ADAMTSL1: variants seen among roughly 807,000 people sequenced by gnomAD.
The protein encoded by ADAMTSL1 is ADAMTS-like protein 1.
A neutral mutation model predicts 201.8 loss-of-function variants in ADAMTSL1; 126 were observed. That is an observed-to-expected ratio of 0.62 (90% CI 0.54 to 0.72). The LOEUF is 0.72. Among genes scored for constraint, ADAMTSL1 ranks in the 30% least tolerant of loss-of-function variants. The pLI, the probability that ADAMTSL1 is intolerant of heterozygous loss-of-function variation, is 0.00. For synonymous variants in ADAMTSL1, 1,121 were observed against 903.4 expected (o/e 1.24, Z -4.32); for missense variants, 2,679 against 2,277.8 (o/e 1.18, Z -3.59).
rs199787607 is a variant in ADAMTSL1, at chr9:18,680,352, G to A, written c.1177G>A (p.Gly393Arg). 114 of 1,612,700 alleles carry A rather than the reference G, an allele frequency of 7.1e-5. No homozygotes were observed. Among genetic ancestry groups the A allele is most frequent in the African/African-American group, 1.2e-4 (9 of 74,760 alleles). Residue 393 changes from glycine (G) to arginine (R), a missense_variant, in exon 11 of 29, where the codon GGG becomes AGG. Transcript: ENST00000380548. ...TPWTACSSSC[G>R]GGIQSRAVSC... ...ATGGACCGCGTGCTCCTCCTCGTGTGGGGGGGGCATCCAGAGCCGGGCAGT... is the reference window on the plus strand; with the variant it reads ...ATGGACCGCGTGCTCCTCCTCGTGTAGGGGGGGCATCCAGAGCCGGGCAGT...
chr9:18,792,374 G>T (rs1822116042), intron 19 of ADAMTSL1, among the ~76,000 whole-genome samples: 1 of 152,180 alleles, frequency 6.6e-6, no homozygotes, highest in African/African-American at 2.4e-5. Flanking sequence ...AATGAGATTT[G>T]CCAATGGCCA....
At chr9:18,162,568 G>C (rs1225211860) in intron 1 of ADAMTSL1, among the ~76,000 whole-genome samples, 1 of 151,886 alleles carries the variant, frequency 6.6e-6, no homozygotes, top group African/African-American at 2.4e-5. Context: ...TCATATGAAA[G>C]TATTTGATGG....
In ADAMTSL1 at chr9:18,776,963, G is replaced by A. The variant is rs771947005; in HGVS notation, c.2734G>A (p.Glu912Lys). The A allele has an allele frequency of 6.3e-7, 1 of 1,598,204 alleles. No individual in the cohort carries two copies. Among genetic ancestry groups the A allele is most frequent in the South Asian group, 1.1e-5 (1 of 89,046 alleles). The change falls in exon 19 of 29, where the codon GAG (glutamate) becomes AAG (lysine). Residue 912 changes from glutamate to lysine, a missense_variant. Coordinates refer to ENST00000380548, the MANE Select transcript of ADAMTSL1 (RefSeq NM_001040272.6). ...GGTCCGCAAGCCCCTCATCACCTGG[G>A]AGAAGGACGGCCAGCACCTCATCAG... ...RRVRKPLITW[E>K]KDGQHLISST...
At chr9:18,851,685 T>A (rs1208862188) in intron 23 of ADAMTSL1, among the ~76,000 whole-genome samples, 1 of 152,156 alleles carries the variant, frequency 6.6e-6, no homozygotes, top group Non-Finnish European at 1.5e-5. Context: ...GATTCTTCCC[T>A]TGGGGTGGGC....
intron 1 of ADAMTSL1, among the ~76,000 whole-genome samples, chr9:17,921,490 T>C (rs1376822166): frequency 1.3e-5 from 2 of 152,208 alleles, no homozygotes; most frequent in African/African-American, 4.8e-5. Context: ...TTAGCAGACA[T>C]TTGGGAGAGA....
chr9:18,906,998 T>G, intron 28 of ADAMTSL1, 86 bp downstream of exon 28: 2 of 1,480,982 alleles, frequency 1.4e-6, no homozygotes, highest in Non-Finnish European at 1.9e-6. Flanking sequence ...ACCCTGAGCA[T>G]AGGGCATGGG....
intron 2 of ADAMTSL1, among the ~76,000 whole-genome samples, chr9:18,357,741 T>G (rs549010280): frequency 6.6e-6 from 1 of 152,068 alleles, no homozygotes; most frequent in African/African-American, 2.4e-5. Flanking sequence ...AATATATATT[T>G]CATTTGTTTT....
chr9:18,178,562 C>T (rs1406203256), intron 2 of ADAMTSL1, among the ~76,000 whole-genome samples: 2 of 151,998 alleles, frequency 1.3e-5, no homozygotes, highest in Non-Finnish European at 2.9e-5. Flanking sequence ...GTAGGCTCCA[C>T]CTCTGGGGGC....
At chr9:18,214,476 C>A (rs72684916) in intron 2 of ADAMTSL1, among the ~76,000 whole-genome samples, 8,355 of 152,172 alleles carry the variant, frequency 0.055, 325 homozygotes, top group Middle Eastern at 0.16. Flanking sequence ...TTGAAATTGA[C>A]CTTAAAGCTA....
At chr9:18,679,476 A>C (rs1470595115) in intron 10 of ADAMTSL1, among the ~76,000 whole-genome samples, 1 of 150,050 alleles carries the variant, frequency 6.7e-6, no homozygotes, top group African/African-American at 2.5e-5. Context: ...AATGCTTCAG[A>C]GCTGTGTAAA....
chr9:18,591,923 G>A (rs1009569955), intron 4 of ADAMTSL1, among the ~76,000 whole-genome samples: 2 of 152,188 alleles, frequency 1.3e-5, no homozygotes, highest in African/African-American at 2.4e-5. Context: ...AAGAGTTCAG[G>A]TGAGTATGGC....
chr9:18,217,498 G>A (rs923987112), intron 2 of ADAMTSL1, among the ~76,000 whole-genome samples: 1 of 151,928 alleles, frequency 6.6e-6, no homozygotes, highest in African/African-American at 2.4e-5. Flanking sequence ...CTGCTTTTTG[G>A]AATCAGTGAA....
intron 2 of ADAMTSL1, among the ~76,000 whole-genome samples, chr9:18,285,550 A>G (rs936214029): frequency 2.0e-5 from 3 of 152,058 alleles, no homozygotes; most frequent in African/African-American, 7.2e-5. Flanking sequence ...ACTATTTTGG[A>G]AACTCTGTAG....
intron 2 of ADAMTSL1, among the ~76,000 whole-genome samples, chr9:18,458,099 T>G (rs1820675421): frequency 6.6e-6 from 1 of 152,224 alleles, no homozygotes; most frequent in South Asian, 2.1e-4. Flanking sequence ...CTCCTTTTTT[T>G]GCAATTGCAT....
At chr9:18,504,492 T>G (rs1212282123) in intron 1 of ADAMTSL1, among the ~76,000 whole-genome samples, 1 of 152,188 alleles carries the variant, frequency 6.6e-6, no homozygotes. Flanking sequence ...CACTAAGAGA[T>G]GAAGAGTACA....
chr9:18,296,899 T>C (rs78618799), intron 2 of ADAMTSL1, among the ~76,000 whole-genome samples: 2,067 of 152,326 alleles, frequency 0.014, 48 homozygotes, highest in African/African-American at 0.045. Flanking sequence ...GAGGACTTTG[T>C]ATCTCAGAGG....
chr9:18,711,666 G>C (rs1362665506), intron 14 of ADAMTSL1, among the ~76,000 whole-genome samples: 3 of 152,348 alleles, frequency 2.0e-5, no homozygotes, highest in East Asian at 3.9e-4. Flanking sequence ...AGCGAGGCTG[G>C]GGGAGGGGCG....
At chr9:18,369,308 A>T (rs1346932422) in intron 2 of ADAMTSL1, among the ~76,000 whole-genome samples, 1 of 152,200 alleles carries the variant, frequency 6.6e-6, no homozygotes, top group African/African-American at 2.4e-5. Flanking sequence ...TGTCTGTAAA[A>T]TGGATATCAC....
intron 21 of ADAMTSL1, among the ~76,000 whole-genome samples, chr9:18,825,344 C>G (rs1026309094): frequency 1.1e-4 from 17 of 152,162 alleles, no homozygotes; most frequent in African/African-American, 4.1e-4. Flanking sequence ...TCTCCCCATC[C>G]CATCTCTCTC....
Sources: allele counts gnomAD v4.1 joint callset (sites outside exome capture counted in the v4.1 genomes callset), GRCh38; gene constraint gnomAD v4.1.1; transcripts MANE v1.5; gene names NCBI Gene and HGNC (gene_info 2026-07-23, HGNC 2026-07-21).